Variants in TMEM175 observed in about 807,000 individuals in gnomAD.
The protein encoded by TMEM175 is endosomal/lysosomal proton channel TMEM175.
In TMEM175, 36 loss-of-function variants were observed where a neutral mutation model predicts 36.5. That is an observed-to-expected ratio of 0.99 (90% CI 0.76 to 1.30). The LOEUF (loss-of-function observed/expected upper bound fraction) is 1.30, where lower values mean the gene tolerates loss of function less well. TMEM175 is among the 50% of genes most tolerant of loss of function. TMEM175 has a pLI of 0.00. For missense variants in TMEM175, 705 were observed against 692.8 expected, an observed-to-expected ratio of 1.02 and a Z score of -0.20; for synonymous variants, 339 against 313.4, an observed-to-expected ratio of 1.08 and a Z score of -0.86.
At position 947,711 on chromosome 4, in the gene TMEM175, T is replaced by C. The variant is rs769235492; in HGVS notation, c.-29T>C. 3.2e-6 allele frequency: 5 copies of C among 1,577,600 alleles called. No individual in the cohort carries two copies. The African/African-American group carries it at 5.4e-5, about 17-fold the overall frequency. ...CTCAGACCTGCCTTTCCTCCCAGGC[T>C]CCTGTAACCGCCAGGCAGCGGCCCC... is the stretch of plus-strand genomic sequence containing the variant. On this transcript the variant is annotated splice_region_variant and 5_prime_UTR_variant, in exon 2 of 11. Coordinates refer to ENST00000264771, the MANE Select transcript of TMEM175 (RefSeq NM_032326.4).
chr4:951,183 C>T (rs752222722), intron 4 of TMEM175, 24 bp from the exon 5 acceptor site: 9 of 1,612,232 alleles, frequency 5.6e-6, no homozygotes, highest in Non-Finnish European at 7.6e-6. Context: ...GTTTTATTGT[C>T]TATCTTTTTC....
Position 948,577 on chromosome 4 carries a change from G to A in TMEM175, c.192+423G>A, listed in dbSNP as rs1048855500. The A allele has an allele frequency of 2.7e-5, 35 of 1,318,116 alleles. 1 individual carries two copies. The highest frequency in any genetic ancestry group is 2.0e-4 in the East Asian group (4 of 20,208). The allele number at this position is 1,318,116 out of a possible 1,614,324, so 81.7% of individuals were successfully genotyped here. ...AACGCGGCCAGCGCCCCGTCTCAGC[G>A]GGGACACTCCCACCCCGGCTGCTCC... On this transcript the variant is annotated intron_variant, in intron 3 of 10. Transcript: ENST00000264771.
chr4:951,730 AG>A lies in TMEM175; in HGVS notation c.378+15del. 6.2e-7 allele frequency: 1 copy of A among 1,614,040 alleles called. No individual in the cohort carries two copies. Among genetic ancestry groups the A allele is most frequent in the South Asian group, 1.1e-5 (1 of 91,086 alleles). On this transcript the variant is annotated intron_variant, in intron 6 of 10. Transcript: ENST00000264771. ...CCTGCCTTACACGGTGAGCAACACCAGGCCCCTGACACCCTGAGGCTTTGCT... is the reference window on the plus strand; with the variant it reads ...CCTGCCTTACACGGTGAGCAACACCAGCCCCTGACACCCTGAGGCTTTGCT...
chr4:957,885 G>A lies in TMEM175; in HGVS notation c.904G>A (p.Ala302Thr), dbSNP rs779738372. Residue 302 changes from alanine (A) to threonine (T), a missense_variant, in exon 11 of 11, where the codon GCC becomes ACC. By Grantham distance (58) the Ala-to-Thr change is moderately conservative. Coordinates refer to ENST00000264771, the MANE Select transcript of TMEM175 (RefSeq NM_032326.4). ...GAGGTTCAGCGGCAGCCTCGTGGCC[G>A]CCCTGAGTGCGACCGGGCCGCGCTT... ...KERFSGSLVA[A>T]LSATGPRFLA... 3.8e-5 allele frequency: 62 copies of A among 1,612,650 alleles called. No homozygotes were observed. The highest frequency in any genetic ancestry group is 7.7e-5 in the South Asian group (7 of 91,060).
At chr4:954,321 G>A (rs539495608) in intron 8 of TMEM175, among the ~76,000 whole-genome samples, 1 of 152,208 alleles carries the variant, frequency 6.6e-6, no homozygotes, top group Non-Finnish European at 1.5e-5. Flanking sequence ...ATACAAAACT[G>A]TGTCAGGACA....
chr4:946,525 T>C (rs1391063443), intron 1 of TMEM175, among the ~76,000 whole-genome samples: 1 of 152,124 alleles, frequency 6.6e-6, no homozygotes, highest in Non-Finnish European at 1.5e-5. Context: ...TAGTGCCTGG[T>C]TGGCACGAGG....
At chr4:936,255 G>C (rs1982455) in intron 1 of TMEM175, among the ~76,000 whole-genome samples, 1 of 150,618 alleles carries the variant, frequency 6.6e-6, no homozygotes, top group African/African-American at 2.5e-5. Flanking sequence ...TGAGGCAAGA[G>C]AATTGCTTGA....
chr4:955,991 G>A (rs1293655133), intron 10 of TMEM175, 101 bp downstream of exon 10: 2 of 1,417,690 alleles, frequency 1.4e-6, no homozygotes, highest in Non-Finnish European at 1.9e-6. Flanking sequence ...AGGGGTCTTG[G>A]CTCCACCCTC....
At chr4:942,144 C>T (rs1046664820) in intron 1 of TMEM175, among the ~76,000 whole-genome samples, 1 of 151,776 alleles carries the variant, frequency 6.6e-6, no homozygotes, top group Admixed American at 6.6e-5. Context: ...CTGCAACCTC[C>T]GCCTCCCGGG....
chr4:946,956 T>C (rs1211148224), intron 1 of TMEM175, among the ~76,000 whole-genome samples: 1 of 118,522 alleles, frequency 8.4e-6, no homozygotes, highest in African/African-American at 3.4e-5. Flanking sequence ...GCACGGCCCC[T>C]GTAGGAGACA....
intron 1 of TMEM175, among the ~76,000 whole-genome samples, 192 bp from the exon 2 acceptor site, chr4:947,517 T>C (rs1728330961): frequency 6.6e-6 from 1 of 152,300 alleles, no homozygotes; most frequent in East Asian, 1.9e-4. Context: ...CATCTGTTGT[T>C]GGCCTCTCAG....
rs972996260 is a variant in TMEM175, at chr4:948,751, A to G, written c.192+597A>G. The G allele has an allele frequency of 1.9e-5, 20 of 1,027,342 alleles. No individual in the cohort carries two copies. The African/African-American group carries it at 3.4e-4, about 17-fold the overall frequency. The allele number at this position is 1,027,342 out of a possible 1,614,324, so 63.6% of individuals were successfully genotyped here. A position where few individuals can be genotyped will look rare whatever the true frequency, so the allele number is the denominator to read the frequency against. Reference sequence around the variant, plus strand: ...CTGCCTGGCTCTGTGTCCTCATGACAGGGTCGTGCGGCCCAAGCTTCATGG... The same window carrying G: ...CTGCCTGGCTCTGTGTCCTCATGACGGGGTCGTGCGGCCCAAGCTTCATGG... On this transcript the variant is annotated intron_variant, in intron 3 of 10. Transcript: ENST00000264771.
chr4:932,905 G>A lies in TMEM175; in HGVS notation c.-32+365G>A, dbSNP rs1412084019. Among the ~76,000 whole-genome samples, 1 of 152,228 alleles carries A rather than the reference G, an allele frequency of 6.6e-6. No individual in the cohort carries two copies. Among genetic ancestry groups the A allele is most frequent in the East Asian group, 1.9e-4 (1 of 5,194 alleles). On this transcript the variant is annotated intron_variant, in intron 1 of 10. Transcript: ENST00000264771. This position sits in a 1 kb window ranked among gnomAD's most constrained non-coding sequence, Gnocchi z 4.0. ...TCTTCCGAGGAGAGGGCCAGGGTCT[G>A]GCCTGGGGCAGTGACCAGTAGTGGG... is the stretch of plus-strand genomic sequence containing the variant.
chr4:956,443 G>GTT (rs748261443), intron 10 of TMEM175: 31,747 of 1,115,886 alleles, frequency 0.028, 2 homozygotes, highest in South Asian at 0.058. Context: ...TTTTTGTGGG[G>GTT]TTTTTTTTTT....
At chr4:941,376 C>CAA (rs567941043) in intron 1 of TMEM175, among the ~76,000 whole-genome samples, 3 of 104,820 alleles carry the variant, frequency 2.9e-5, no homozygotes, top group African/African-American at 7.2e-5. Context: ...AACTCTGTCT[C>CAA]AAAAAAAAAA....
chr4:937,880 T>A (rs936505385), intron 1 of TMEM175, among the ~76,000 whole-genome samples: 1 of 152,140 alleles, frequency 6.6e-6, no homozygotes, highest in Non-Finnish European at 1.5e-5. Flanking sequence ...CAAAGTTGGC[T>A]TAGCATTTGA....
chr4:952,960 T>C (rs1401820693), intron 7 of TMEM175, among the ~76,000 whole-genome samples: 2 of 151,884 alleles, frequency 1.3e-5, no homozygotes, highest in Admixed American at 6.6e-5. Context: ...GCTCCTGTTC[T>C]CTCTCCACCT....
chr4:947,736 C>T lies in TMEM175; in HGVS notation c.-4C>T, dbSNP rs754683457. The T allele has an allele frequency of 6.9e-6, 11 of 1,600,288 alleles. No individual in the cohort carries two copies. Among genetic ancestry groups the T allele is most frequent in the East Asian group, 2.2e-5 (1 of 44,744 alleles). ...TCCTGTAACCGCCAGGCAGCGGCCC[C>T]GCCATGTCCCAGCCCCGGACCCCAG... On this transcript the variant is annotated 5_prime_UTR_variant, in exon 2 of 11. Coordinates refer to ENST00000264771, the MANE Select transcript of TMEM175 (RefSeq NM_032326.4).
chr4:947,881 G>A lies in TMEM175; in HGVS notation c.142G>A (p.Ala48Thr), dbSNP rs140262376. 24 of 1,613,584 alleles carry A rather than the reference G, an allele frequency of 1.5e-5. No individual in the cohort carries two copies. Among genetic ancestry groups the A allele is most frequent in the East Asian group, 2.2e-5 (1 of 44,890 alleles). The change falls in exon 2 of 11, where the codon GCC becomes ACC. Residue 48 changes from alanine (A) to threonine (T), a missense_variant. Transcript: ENST00000264771. ...SFSDALLSII[A>T]TVMILPVTHT... ...CAGTGACGCCCTGCTGTCCATCATCGCCACCGTCATGGTCTGTACGGGGCC... is the reference window on the plus strand; with the variant it reads ...CAGTGACGCCCTGCTGTCCATCATCACCACCGTCATGGTCTGTACGGGGCC...
Sources: allele counts gnomAD v4.1 joint callset (sites outside exome capture counted in the v4.1 genomes callset), GRCh38; gene constraint gnomAD v4.1.1; non-coding constraint Gnocchi (gnomAD v3.1); transcripts MANE v1.5; gene names NCBI Gene and HGNC (gene_info 2026-07-23, HGNC 2026-07-21).